SETBP1: variants seen among roughly 807,000 people sequenced by gnomAD.
SETBP1 encodes SET-binding protein.
A neutral mutation model predicts 101.0 loss-of-function variants in SETBP1; 9 were observed. The observed-to-expected ratio is 0.09, with a 90% confidence interval of 0.05 to 0.16. The LOEUF is 0.16. Among genes scored for constraint, SETBP1 ranks in the 10% least tolerant of loss-of-function variants. The probability of loss-of-function intolerance (pLI) is 1.00; values close to 1 mark genes in which losing one functional copy is unlikely to be tolerated. For synonymous variants in SETBP1, 818 were observed against 788.5 expected, an observed-to-expected ratio of 1.04 and a Z score of -0.63; for missense variants, 1,858 against 2,033.8, an observed-to-expected ratio of 0.91 and a Z score of 1.66.
At chr18:44,977,978 G>T (rs185116316) in intron 4 of SETBP1, among the ~76,000 whole-genome samples, 1 of 152,082 alleles carries the variant, frequency 6.6e-6, no homozygotes, top group African/African-American at 2.4e-5. Flanking sequence ...CAGCTCTGGG[G>T]CCTGTGCTCT....
intron 3 of SETBP1, among the ~76,000 whole-genome samples, chr18:44,942,604 G>A (rs907940512): frequency 7.2e-5 from 11 of 152,146 alleles, no homozygotes; most frequent in South Asian, 2.1e-4. Flanking sequence ...CTGGAACCTC[G>A]TGAGTTTCCC....
At chr18:45,034,910 G>T (rs1380972579) in intron 4 of SETBP1, among the ~76,000 whole-genome samples, 1 of 152,048 alleles carries the variant, frequency 6.6e-6, no homozygotes, top group Admixed American at 6.5e-5. Context: ...GTTAAATCTG[G>T]GTTTCTTTAT....
chr18:44,901,048 A>G (rs2070033847), intron 3 of SETBP1, among the ~76,000 whole-genome samples: 1 of 152,192 alleles, frequency 6.6e-6, no homozygotes, highest in Non-Finnish European at 1.5e-5. Context: ...TAAACTACAC[A>G]TGGGTCTTTA....
chr18:44,690,799 G>C (rs2144129866), intron 1 of SETBP1, among the ~76,000 whole-genome samples: 1 of 152,294 alleles, frequency 6.6e-6, no homozygotes, highest in East Asian at 1.9e-4. Flanking sequence ...AATAAACTTA[G>C]AGAATACCTG....
chr18:44,739,135 T>G (rs1315880258), intron 2 of SETBP1, among the ~76,000 whole-genome samples: 3 of 152,224 alleles, frequency 2.0e-5, no homozygotes, highest in Non-Finnish European at 4.4e-5. Flanking sequence ...CTGTTTGCTC[T>G]TCCACTTTTA....
intron 2 of SETBP1, among the ~76,000 whole-genome samples, chr18:44,707,734 G>T (rs1003315354): frequency 6.6e-6 from 1 of 152,208 alleles, no homozygotes; most frequent in African/African-American, 2.4e-5. Flanking sequence ...AGAGAGGTTG[G>T]CATTAGATTG....
Position 44,951,189 on chromosome 18 carries a change from T to A in SETBP1, c.1849T>A (p.Phe617Ile), listed in dbSNP as rs1001336609. The change falls in exon 4 of 6, where the codon TTT becomes ATT. Residue 617 changes from phenylalanine to isoleucine, a missense_variant. By Grantham distance (21) the Phe-to-Ile change is conservative. This residue lies in a region of SETBP1 where 111 missense variants were observed against 119.3 expected (regional missense o/e 0.93). Coordinates refer to ENST00000649279, the MANE Select transcript of SETBP1 (RefSeq NM_015559.3). This position sits in a 1 kb window ranked among gnomAD's most constrained non-coding sequence, Gnocchi z 7.8. ...TSPVSPISRE[F>I]PGTKKRKRRR... ...CCCCGTCAGTCCCATCAGCCGAGAG[T>A]TTCCTGGCACTAAGAAAAGAAAGCG... The A allele has an allele frequency of 4.3e-6, 7 of 1,613,564 alleles. No individual in the cohort carries two copies. Among genetic ancestry groups the A allele is most frequent in the African/African-American group, 1.3e-5 (1 of 74,750 alleles).
At chr18:44,985,494 G>A (rs1051006787) in intron 4 of SETBP1, among the ~76,000 whole-genome samples, 6 of 152,152 alleles carry the variant, frequency 3.9e-5, no homozygotes, top group African/African-American at 1.4e-4. Context: ...ACTTATTAAT[G>A]TTGAAGTATT....
intron 3 of SETBP1, among the ~76,000 whole-genome samples, chr18:44,949,338 C>G (rs1389868327): frequency 6.6e-6 from 1 of 152,172 alleles, no homozygotes; most frequent in Non-Finnish European, 1.5e-5. Flanking sequence ...AAAGTACAAG[C>G]TGAAATGAAC....
rs59168027 is a variant in SETBP1 at position 44,909,469 on chromosome 18, C to G, written c.540+40186C>G. 5.2e-3 allele frequency among the ~76,000 whole-genome samples: 789 copies of G among 152,314 alleles called. 9 individuals carry two copies. Among genetic ancestry groups the G allele is most frequent in the African/African-American group, 0.018 (761 of 41,562 alleles). On this transcript the variant is annotated intron_variant, in intron 3 of 5. Coordinates refer to ENST00000649279, the MANE Select transcript of SETBP1 (RefSeq NM_015559.3). ...AGTATCTTGGCCAAGGTCCAAGGCTCTGAGGTTTTCTCATTCAGTCTGTCC... is the reference window on the plus strand; with the variant it reads ...AGTATCTTGGCCAAGGTCCAAGGCTGTGAGGTTTTCTCATTCAGTCTGTCC...
In SETBP1 at chr18:44,952,145, G is replaced by A. The variant is rs1039781787; in HGVS notation, c.2805G>A (p.Lys935=). The change falls in exon 4 of 6, where the codon AAG becomes AAA. Residue 935 remains lysine (K), a synonymous_variant. Coordinates refer to ENST00000649279, the MANE Select transcript of SETBP1 (RefSeq NM_015559.3). ...DNFLAHESLK[K]PKHKRKRKSL... Reference sequence around the variant, plus strand: ...TTCTGGCCCACGAAAGCCTCAAGAAGCCAAAGCACAAGAGGAAACGGAAAA... The same window carrying A: ...TTCTGGCCCACGAAAGCCTCAAGAAACCAAAGCACAAGAGGAAACGGAAAA... 2 of 1,613,974 alleles carry A rather than the reference G, an allele frequency of 1.2e-6. No individual in the cohort carries two copies. Among genetic ancestry groups the A allele is most frequent in the African/African-American group, 2.7e-5 (2 of 74,888 alleles).
chr18:44,912,531 C>T (rs964142493), intron 3 of SETBP1, among the ~76,000 whole-genome samples: 2 of 151,976 alleles, frequency 1.3e-5, no homozygotes, highest in Non-Finnish European at 2.9e-5. Context: ...AGTCTGGCTG[C>T]CTCAGCCTCC....
chr18:44,866,936 G>A (rs1206747983), intron 2 of SETBP1, among the ~76,000 whole-genome samples: 1 of 152,184 alleles, frequency 6.6e-6, no homozygotes, highest in Non-Finnish European at 1.5e-5. Flanking sequence ...TAATATTCTG[G>A]CACTCAGCTT....
At chr18:44,863,189 C>G (rs2069052475) in intron 2 of SETBP1, among the ~76,000 whole-genome samples, 1 of 152,120 alleles carries the variant, frequency 6.6e-6, no homozygotes, top group Non-Finnish European at 1.5e-5. Flanking sequence ...TGGTAGAAGC[C>G]CTCCTTAGAC....
At chr18:44,985,967 T>C (rs1192416204) in intron 4 of SETBP1, 1 of 152,076 alleles carries the variant, frequency 6.6e-6, no homozygotes, top group Non-Finnish European at 1.5e-5. Flanking sequence ...AATTTATAGA[T>C]TTTTAGTTTT....
intron 5 of SETBP1, among the ~76,000 whole-genome samples, chr18:45,042,283 G>C (rs1325789370): frequency 1.3e-5 from 2 of 151,850 alleles, no homozygotes. Context: ...CCAAGTGGCT[G>C]GGATTACAGG....
chr18:44,748,504 A>T (rs1396965225), intron 2 of SETBP1, among the ~76,000 whole-genome samples: 7 of 152,224 alleles, frequency 4.6e-5, no homozygotes, highest in Admixed American at 6.5e-5. Context: ...AAACTTCAGG[A>T]CAATTCCTGA....
At chr18:44,866,804 G>A (rs1197943037) in intron 2 of SETBP1, among the ~76,000 whole-genome samples, 2 of 152,184 alleles carry the variant, frequency 1.3e-5, no homozygotes, top group African/African-American at 4.8e-5. Context: ...AAGGTTTACT[G>A]ATAAATTCAG....
chr18:44,863,021 A>G (rs1309260907), intron 2 of SETBP1, among the ~76,000 whole-genome samples: 1 of 152,200 alleles, frequency 6.6e-6, no homozygotes, highest in Admixed American at 6.5e-5. Flanking sequence ...TCCAAGTCCA[A>G]TGCTGTTTTG....
Sources: allele counts gnomAD v4.1 joint callset (sites outside exome capture counted in the v4.1 genomes callset), GRCh38; gene constraint gnomAD v4.1.1; regional missense constraint gnomAD v4.1.1; non-coding constraint Gnocchi (gnomAD v3.1); transcripts MANE v1.5; gene names NCBI Gene and HGNC (gene_info 2026-07-23, HGNC 2026-07-21).